CTNNA2: variants seen among roughly 807,000 people sequenced by gnomAD.
CTNNA2 encodes the protein catenin alpha 2.
CTNNA2 carries 42 observed loss-of-function variants against 101.0 expected under a neutral mutation model. That is an observed-to-expected ratio of 0.42 (90% CI 0.32 to 0.54). CTNNA2 has a LOEUF of 0.54. CTNNA2 is among the 20% of genes least tolerant of loss of function. CTNNA2 has a pLI of 0.14. For missense variants in CTNNA2, 871 were observed against 1,223.1 expected, an observed-to-expected ratio of 0.71 and a Z score of 4.29; for synonymous variants, 450 against 456.4, an observed-to-expected ratio of 0.99 and a Z score of 0.18.
intron 7 of CTNNA2, among the ~76,000 whole-genome samples, chr2:80,000,426 A>G (rs1002842239): frequency 6.6e-6 from 1 of 152,122 alleles, no homozygotes; most frequent in Admixed American, 6.5e-5. Flanking sequence ...AAATAAACAA[A>G]CAAAACAGCC....
At chr2:80,402,398 G>A (rs1286545946) in intron 8 of CTNNA2, among the ~76,000 whole-genome samples, 1 of 152,128 alleles carries the variant, frequency 6.6e-6, no homozygotes, top group Non-Finnish European at 1.5e-5. Flanking sequence ...CTCTCTGGAG[G>A]TTGGGGTGGG....
At chr2:79,585,564 C>T (rs1313929249) in intron 1 of CTNNA2, among the ~76,000 whole-genome samples, 4 of 152,074 alleles carry the variant, frequency 2.6e-5, no homozygotes, top group African/African-American at 9.7e-5. Context: ...GGTACTCTGT[C>T]TCAGAGCTGG....
intron 7 of CTNNA2, among the ~76,000 whole-genome samples, chr2:80,113,574 C>T (rs1192303896): frequency 6.6e-6 from 1 of 152,212 alleles, no homozygotes; most frequent in African/African-American, 2.4e-5. Flanking sequence ...GGAACACAGC[C>T]ACGCTCATTT....
chr2:80,395,558 G>T (rs1573937737), intron 8 of CTNNA2, among the ~76,000 whole-genome samples: 2 of 152,276 alleles, frequency 1.3e-5, no homozygotes. Context: ...CCTAGCACTT[G>T]GGCAGATGGA....
In CTNNA2 at chr2:80,103,790, A is replaced by G. The variant is rs189265775; in HGVS notation, c.1056+193993A>G. 2.9e-4 allele frequency among the ~76,000 whole-genome samples: 44 copies of G among 152,292 alleles called. No individual in the cohort carries two copies. The East Asian group carries it at 6.6e-3, about 23-fold the overall frequency. ...CACTCTGTTACCCAGGCTGGAGTGC[A>G]GTGGCGTGATCTTGGCTCACTGCAA... On this transcript the variant is annotated intron_variant, in intron 7 of 18. Coordinates refer to ENST00000402739, the MANE Select transcript of CTNNA2 (RefSeq NM_001282597.3).
chr2:80,134,638 G>A (rs1260661310), intron 7 of CTNNA2, among the ~76,000 whole-genome samples: 1 of 152,144 alleles, frequency 6.6e-6, no homozygotes, highest in Non-Finnish European at 1.5e-5. Context: ...CATGAGGCCA[G>A]CTTTGTCTCT....
chr2:80,165,105 T>G (rs913916562), intron 7 of CTNNA2, among the ~76,000 whole-genome samples: 2 of 152,008 alleles, frequency 1.3e-5, no homozygotes, highest in Non-Finnish European at 2.9e-5. Context: ...TTGAAGTTTT[T>G]AGTTCTTATT....
At chr2:79,435,116 T>G (rs1678699445) in intron 4 of CTNNA2, among the ~76,000 whole-genome samples, 1 of 152,052 alleles carries the variant, frequency 6.6e-6, no homozygotes, top group South Asian at 2.1e-4. Context: ...AGTCTGAGTC[T>G]TGGCAGACCG....
chr2:79,877,508 C>A (rs763783699), intron 6 of CTNNA2, among the ~76,000 whole-genome samples: 22 of 152,070 alleles, frequency 1.4e-4, no homozygotes, highest in Non-Finnish European at 2.6e-4. Context: ...TTATAAATTT[C>A]TGTTCCATAG....
intron 7 of CTNNA2, among the ~76,000 whole-genome samples, chr2:80,083,883 G>A (rs1372260804): frequency 6.6e-6 from 1 of 152,122 alleles, no homozygotes; most frequent in African/African-American, 2.4e-5. Flanking sequence ...ATGTAGGGAT[G>A]CTAACAGTAG....
At chr2:80,112,579 G>A (rs1414909240) in intron 7 of CTNNA2, among the ~76,000 whole-genome samples, 1 of 152,020 alleles carries the variant, frequency 6.6e-6, no homozygotes, top group African/African-American at 2.4e-5. Flanking sequence ...AGCCATCATT[G>A]TCACATTCAG....
chr2:79,557,521 A>G (rs1401404700), intron 1 of CTNNA2, among the ~76,000 whole-genome samples: 1 of 151,944 alleles, frequency 6.6e-6, no homozygotes, highest in East Asian at 1.9e-4. Flanking sequence ...TTTAAACTCA[A>G]TGCTGTTCTA....
chr2:80,188,453 T>G (rs2148993288), intron 7 of CTNNA2, among the ~76,000 whole-genome samples: 2 of 152,264 alleles, frequency 1.3e-5, no homozygotes, highest in African/African-American at 2.4e-5. Context: ...TACAACAAAC[T>G]TAGAGGCTTG....
At chr2:79,933,938 C>T (rs2104431823) in intron 7 of CTNNA2, among the ~76,000 whole-genome samples, 1 of 152,142 alleles carries the variant, frequency 6.6e-6, no homozygotes, top group African/African-American at 2.4e-5. Context: ...ATTTAAAGAT[C>T]AGTAATAAAT....
chr2:79,422,673 GAAAC>G (rs915249951), intron 4 of CTNNA2, among the ~76,000 whole-genome samples: 7 of 152,258 alleles, frequency 4.6e-5, no homozygotes, highest in African/African-American at 1.7e-4. Context: ...GTATTAAAAA[GAAAC>G]AAAGTTTCTG....
chr2:79,556,416 T>A (rs757044463), intron 1 of CTNNA2, among the ~76,000 whole-genome samples: 2 of 151,996 alleles, frequency 1.3e-5, no homozygotes, highest in Admixed American at 6.6e-5. Context: ...CAGCTAGCAC[T>A]TTTATTCTTG....
intron 7 of CTNNA2, among the ~76,000 whole-genome samples, chr2:79,921,725 T>G (rs1475976267): frequency 6.6e-6 from 1 of 152,208 alleles, no homozygotes; most frequent in Admixed American, 6.5e-5. Flanking sequence ...ATCTATTAAC[T>G]CTGCTGGTTT....
chr2:80,371,359 G>A (rs542534075), intron 7 of CTNNA2, among the ~76,000 whole-genome samples: 36 of 152,220 alleles, frequency 2.4e-4, no homozygotes, highest in African/African-American at 8.4e-4. Context: ...ATATGTATCA[G>A]ATGTCAACTA....
chr2:80,460,182 T>A (rs1255466579), intron 9 of CTNNA2, among the ~76,000 whole-genome samples: 1 of 152,130 alleles, frequency 6.6e-6, no homozygotes, highest in South Asian at 2.1e-4. Flanking sequence ...AAATTGCCTT[T>A]GTGCACAGGT....
Sources: gnomAD v4.1 joint callset for allele counts (sites outside exome capture counted in the v4.1 genomes callset) on GRCh38, gnomAD v4.1.1 for gene constraint, MANE v1.5 for transcripts, NCBI Gene and HGNC (gene_info 2026-07-23, HGNC 2026-07-21) for gene names.